AGPAT2: variants seen among roughly 807,000 people sequenced by gnomAD.
AGPAT2 encodes the protein 1-acyl-sn-glycerol-3-phosphate acyltransferase beta.
Under a neutral mutation model 26.1 loss-of-function variants are expected in AGPAT2, and 18 were observed. The observed-to-expected ratio is 0.69, with a 90% confidence interval of 0.48 to 1.02. The LOEUF is 1.02. AGPAT2 is among the 50% of genes least tolerant of loss of function. The pLI is 0.00. For missense variants in AGPAT2, 415 were observed against 394.9 expected, an observed-to-expected ratio of 1.05 and a Z score of -0.43; for synonymous variants, 200 against 174.2, an observed-to-expected ratio of 1.15 and a Z score of -1.16.
At chr9:136,674,712 C>G (rs200632711) in intron 5 of AGPAT2, 23 bp downstream of exon 5, 1 of 1,427,664 alleles carries the variant, frequency 7.0e-7, no homozygotes, top group African/African-American at 1.5e-5. Flanking sequence ...GCCTACACCC[C>G]GGGTGCACAC....
At chr9:136,674,135 C>T (rs151325858) in intron 5 of AGPAT2, among the ~76,000 whole-genome samples, 3 of 152,026 alleles carry the variant, frequency 2.0e-5, no homozygotes, top group Non-Finnish European at 2.9e-5. Context: ...CTGGCCTTCA[C>T]GCCGCATTTT....
At chr9:136,679,295 C>A (rs780287829) in intron 1 of AGPAT2, among the ~76,000 whole-genome samples, 2 of 152,156 alleles carry the variant, frequency 1.3e-5, no homozygotes, top group Non-Finnish European at 2.9e-5. Context: ...GGCAGCACCA[C>A]CTCAGGCTGA....
At chr9:136,683,203 G>A (rs113059460) in intron 1 of AGPAT2, among the ~76,000 whole-genome samples, 5 of 152,168 alleles carry the variant, frequency 3.3e-5, no homozygotes, top group African/African-American at 9.6e-5. Flanking sequence ...GGGCAACAGA[G>A]CGAGACCTTG....
chr9:136,679,202 G>A (rs1048298565), intron 1 of AGPAT2, among the ~76,000 whole-genome samples: 1 of 152,184 alleles, frequency 6.6e-6, no homozygotes, highest in Non-Finnish European at 1.5e-5. Context: ...TTCTCTGGCT[G>A]ACGTCTGTTC....
At chr9:136,674,168 T>TA (rs1457188648) in intron 5 of AGPAT2, among the ~76,000 whole-genome samples, 5 of 152,144 alleles carry the variant, frequency 3.3e-5, no homozygotes, top group Non-Finnish European at 1.5e-5. Flanking sequence ...GCTCCCCTGT[T>TA]ACTGCCCCCA....
At chr9:136,677,670 G>C (rs963930443) in intron 1 of AGPAT2, 114 bp from the exon 2 acceptor site, 1 of 1,317,130 alleles carries the variant, frequency 7.6e-7, no homozygotes, top group Non-Finnish European at 1.1e-6. Flanking sequence ...TCCTGGCACG[G>C]GGCAGGAGAC....
chr9:136,674,049 C>T (rs544283953), intron 5 of AGPAT2, 122 bp from the exon 6 acceptor site: 553 of 991,586 alleles, frequency 5.6e-4, no homozygotes, highest in Non-Finnish European at 7.3e-4. Flanking sequence ...CGAGGCCGGG[C>T]TCTTCCCCTG....
intron 4 of AGPAT2, among the ~76,000 whole-genome samples, chr9:136,675,995 G>A (rs570856552): frequency 6.6e-5 from 10 of 152,294 alleles, no homozygotes; most frequent in Admixed American, 4.6e-4. Flanking sequence ...TTCTCCTGAC[G>A]CAACTCTTCC....
At chr9:136,682,784 G>T (rs1329493765) in intron 1 of AGPAT2, among the ~76,000 whole-genome samples, 1 of 152,146 alleles carries the variant, frequency 6.6e-6, no homozygotes, top group African/African-American at 2.4e-5. Context: ...GCGAAGCCCC[G>T]TAAGAGACCC....
intron 1 of AGPAT2, among the ~76,000 whole-genome samples, chr9:136,680,916 C>T (rs56205520): frequency 1.3e-4 from 20 of 152,084 alleles, no homozygotes; most frequent in African/African-American, 2.4e-4. Context: ...CCGCCCGCCT[C>T]GGCCTCCCAA....
Position 136,683,086 on chromosome 9 carries a change from A to G in AGPAT2, c.182+4090T>C, listed in dbSNP as rs560870422. 2.3e-3 allele frequency among the ~76,000 whole-genome samples: 349 copies of G among 151,178 alleles called. 3 individuals are homozygous for G. The highest frequency in any genetic ancestry group is 3.5e-3 in the Non-Finnish European group (234 of 67,664). On this transcript the variant is annotated intron_variant, in intron 1 of 5. Coordinates refer to ENST00000371696, the MANE Select transcript of AGPAT2 (RefSeq NM_006412.4). ...AGGGGGTGGGGGGGAGGGGGGGAAG[A>G]ATCCAAAATGGGTGGGGCCGGGCAC...
At position 136,687,383 on chromosome 9, in the gene AGPAT2, C is replaced by T. The variant is rs902801822; in HGVS notation, c.-26G>A. 9.1e-6 allele frequency: 13 copies of T among 1,433,986 alleles called. No individual in the cohort carries two copies. Among genetic ancestry groups the T allele is most frequent in the African/African-American group, 1.5e-5 (1 of 66,858 alleles). 88.8% of individuals were successfully genotyped at this position (1,433,986 alleles called of 1,614,324 possible). On this transcript the variant is annotated 5_prime_UTR_variant, in exon 1 of 6. Transcript: ENST00000371696. Reference sequence around the variant, plus strand: ...GGCCCGGCCCGGCGCCCGACGGCGCCGCCAGCTCGCTCCCGCTCCCGCTCC... The same window carrying T: ...GGCCCGGCCCGGCGCCCGACGGCGCTGCCAGCTCGCTCCCGCTCCCGCTCC...
intron 5 of AGPAT2, among the ~76,000 whole-genome samples, chr9:136,674,462 A>G (rs970002785): frequency 6.6e-6 from 1 of 152,234 alleles, no homozygotes; most frequent in Non-Finnish European, 1.5e-5. Context: ...CAGGCCCCCA[A>G]GCTGTGTGCA....
chr9:136,680,918 G>T (rs1846151485), intron 1 of AGPAT2, among the ~76,000 whole-genome samples: 1 of 152,094 alleles, frequency 6.6e-6, no homozygotes, highest in African/African-American at 2.4e-5. Flanking sequence ...GCCCGCCTCG[G>T]CCTCCCAAAG....
In AGPAT2 at chr9:136,677,553, G is replaced by T; in HGVS notation, c.186C>A (p.Ile62=). The T allele has an allele frequency of 6.2e-7, 1 of 1,612,940 alleles. No homozygotes were observed. Among genetic ancestry groups the T allele is most frequent in the Admixed American group, 1.7e-5 (1 of 60,026 alleles). Residue 62 remains isoleucine (I), a synonymous_variant, in exon 2 of 6, where the codon ATC becomes ATA. Transcript: ENST00000371696. Reference sequence around the variant, plus strand: ...TGAAGCTTCGCACGAACCAGCCGATGATGCTGCAGGGGAGGCCACCATGAA... The same window carrying T: ...TGAAGCTTCGCACGAACCAGCCGATTATGCTGCAGGGGAGGCCACCATGAA... ...HGGRTVENMS[I]IGWFVRSFKY... is the part of the protein sequence containing the mutation.
intron 3 of AGPAT2, 82 bp downstream of exon 3, chr9:136,676,878 CA>C: frequency 1.3e-6 from 2 of 1,546,018 alleles, no homozygotes; most frequent in Non-Finnish European, 8.8e-7. Context: ...TTTTTTCTGC[CA>C]AAACCAAGTC....
intron 1 of AGPAT2, among the ~76,000 whole-genome samples, chr9:136,682,511 C>T (rs975298825): frequency 1.3e-5 from 2 of 151,372 alleles, no homozygotes; most frequent in Non-Finnish European, 1.5e-5. Context: ...CTTGCCTCCC[C>T]GGGGAGCAGG....
chr9:136,678,157 G>T (rs1035414669), intron 1 of AGPAT2, among the ~76,000 whole-genome samples: 3 of 152,166 alleles, frequency 2.0e-5, no homozygotes, highest in African/African-American at 7.2e-5. Flanking sequence ...CTTTCCCCGT[G>T]AAGAGGCGGC....
chr9:136,676,107 G>C (rs1846086683), intron 4 of AGPAT2, among the ~76,000 whole-genome samples: 1 of 152,216 alleles, frequency 6.6e-6, no homozygotes, highest in South Asian at 2.1e-4. Context: ...CTGGGGACCA[G>C]GAAGTCCAGA....
Sources: gnomAD v4.1 joint callset for allele counts (sites outside exome capture counted in the v4.1 genomes callset) on GRCh38, gnomAD v4.1.1 for gene constraint, MANE v1.5 for transcripts, NCBI Gene and HGNC (gene_info 2026-07-23, HGNC 2026-07-21) for gene names.